Variants in EIF5B observed in about 807,000 individuals in gnomAD.
The protein encoded by EIF5B is eIF-5B.
In EIF5B, 47 loss-of-function variants were observed where a neutral mutation model predicts 147.5. The ratio of observed to expected loss-of-function variants is 0.32; its 90% confidence interval spans 0.25 to 0.41. EIF5B has a LOEUF of 0.41. Ranked by LOEUF, EIF5B falls within the 10% of genes least tolerant of loss-of-function variation. The probability of loss-of-function intolerance (pLI) is 1.00; values close to 1 mark genes in which losing one functional copy is unlikely to be tolerated. For missense variants in EIF5B, 1,064 were observed against 1,413.2 expected (o/e 0.75, Z 3.96); for synonymous variants, 455 against 456.2 (o/e 1.00, Z 0.03).
At chr2:99,382,095 G>C in intron 12 of EIF5B, 64 bp from the exon 13 acceptor site, 1 of 1,412,404 alleles carries the variant, frequency 7.1e-7, no homozygotes, top group South Asian at 1.2e-5. Flanking sequence ...CAAAAGGATT[G>C]TTCTGTAAAG....
intron 22 of EIF5B, 102 bp downstream of exon 22, chr2:99,397,000 T>C: frequency 7.5e-7 from 1 of 1,325,142 alleles, no homozygotes; most frequent in Non-Finnish European, 1.0e-6. Flanking sequence ...CACAGTACTG[T>C]GCTGTGTATT....
intron 14 of EIF5B, among the ~76,000 whole-genome samples, chr2:99,384,593 C>G (rs983528552): frequency 2.0e-5 from 3 of 152,200 alleles, no homozygotes; most frequent in Non-Finnish European, 4.4e-5. Flanking sequence ...AGGATTCACC[C>G]TTCTGGATGT....
chr2:99,376,589 C>T lies in EIF5B; in HGVS notation c.1795C>T (p.Arg599Trp), dbSNP rs1190610704. ...TTCTGAATATGACTCTGATGATGAT[C>T]GGACTAAAGAAGAAAGGGCTTATGA... Reference protein sequence around the residue: ...SDSEYDSDDDRTKEERAYDKA... With the variant: ...SDSEYDSDDDWTKEERAYDKA... Residue 599 changes from arginine to tryptophan, a missense_variant, in exon 10 of 24, where the codon CGG (arginine) becomes TGG (tryptophan). Transcript: ENST00000289371. 15 of 1,613,138 alleles carry T rather than the reference C, an allele frequency of 9.3e-6. No homozygotes were observed. The highest frequency in any genetic ancestry group is 2.7e-5 in the African/African-American group (2 of 74,822).
At chr2:99,392,238 C>G (rs775863858) in intron 17 of EIF5B, among the ~76,000 whole-genome samples, 1 of 151,992 alleles carries the variant, frequency 6.6e-6, no homozygotes, top group Non-Finnish European at 1.5e-5. Context: ...CCACACCCGG[C>G]TAATTTTTGT....
Position 99,401,257 on chromosome 2 carries a change from G to T in EIF5B, c.*1843G>T. 6.2e-7 allele frequency: 1 copy of T among 1,605,638 alleles called. No homozygotes were observed. The highest frequency in any genetic ancestry group is 1.3e-5 in the African/African-American group (1 of 74,832). On this transcript the variant is annotated 3_prime_UTR_variant, in exon 24 of 24. Coordinates refer to ENST00000289371, the MANE Select transcript of EIF5B (RefSeq NM_015904.4). ...TGGTAATATTTATGTAACTTTTAAT[G>T]TGCTTCCATAAGTTTGTTGTAAAAC...
chr2:99,377,872 C>CT (rs1252931152), intron 10 of EIF5B, among the ~76,000 whole-genome samples: 1 of 152,210 alleles, frequency 6.6e-6, no homozygotes, highest in African/African-American at 2.4e-5. Flanking sequence ...GGGTCAGAAT[C>CT]TCCATTGTGG....
At position 99,399,604 on chromosome 2, in the gene EIF5B, T is replaced by C. The variant is rs1675156314; in HGVS notation, c.*190T>C. On this transcript the variant is annotated 3_prime_UTR_variant, in exon 24 of 24. Transcript: ENST00000289371. ...CTTACACTGGTTTGACAGTGGTCAG[T>C]TACATGTCCCCACAGTTCCAATGTG... The C allele has an allele frequency of 3.7e-6, 2 of 545,644 alleles. No individual in the cohort carries two copies. The highest frequency in any genetic ancestry group is 6.6e-6 in the Non-Finnish European group (2 of 302,832). 33.8% of individuals were successfully genotyped at this position (545,644 alleles called of 1,614,324 possible). A position where few individuals can be genotyped will look rare whatever the true frequency, so the allele number is the denominator to read the frequency against.
chr2:99,363,468 T>G (rs966386575), intron 4 of EIF5B, among the ~76,000 whole-genome samples, 177 bp from the exon 5 acceptor site: 2 of 152,200 alleles, frequency 1.3e-5, no homozygotes, highest in African/African-American at 4.8e-5. Context: ...TGTGAGTTAT[T>G]CTGAGCTATT....
chr2:99,339,005 C>CAAATATATATAT (rs1559240268), intron 1 of EIF5B, among the ~76,000 whole-genome samples: 2 of 57,586 alleles, frequency 3.5e-5, no homozygotes, highest in Non-Finnish European at 4.7e-5. Context: ...TATATATATA[C>CAAATATATATAT]ATTTTTTTTT....
At chr2:99,355,552 TA>T (rs1674077319) in intron 1 of EIF5B, among the ~76,000 whole-genome samples, 1 of 151,700 alleles carries the variant, frequency 6.6e-6, no homozygotes, top group Non-Finnish European at 1.5e-5. Flanking sequence ...TAACTATAAG[TA>T]ATATGATTGT....
chr2:99,353,152 C>G (rs916600366), intron 1 of EIF5B, among the ~76,000 whole-genome samples: 2 of 151,578 alleles, frequency 1.3e-5, no homozygotes, highest in Non-Finnish European at 2.9e-5. Context: ...GTAGCTGGGA[C>G]TACAGGCACA....
Position 99,345,993 on chromosome 2 carries a change from T to C in EIF5B, c.35+8404T>C, listed in dbSNP as rs948880604. Among the ~76,000 whole-genome samples the C allele has an allele frequency of 5.3e-5, 8 of 151,832 alleles. No homozygotes were observed. In the East Asian group the frequency reaches 1.5e-3, roughly 29 times the overall value. On this transcript the variant is annotated intron_variant, in intron 1 of 23. Transcript: ENST00000289371. Reference sequence around the variant, plus strand: ...ATTGGGAATACAAAAGGGAGTTTGCTGTTCTCAAAGGGAGTTACGTTTTAA... The same window carrying C: ...ATTGGGAATACAAAAGGGAGTTTGCCGTTCTCAAAGGGAGTTACGTTTTAA...
At position 99,364,255 on chromosome 2, in the gene EIF5B, A is replaced by ATG; in HGVS notation, c.1138-14_1138-13dup. On this transcript the variant is annotated splice_polypyrimidine_tract_variant and intron_variant, in intron 5 of 23. Coordinates refer to ENST00000289371, the MANE Select transcript of EIF5B (RefSeq NM_015904.4). Reference sequence around the variant, plus strand: ...TAAATGAATACAGGTTTTGTCTGACATGTACTCTTTTATAGGAACGATTGG... The same window carrying ATG: ...TAAATGAATACAGGTTTTGTCTGACATGTGTACTCTTTTATAGGAACGATTGG... The ATG allele has an allele frequency of 3.8e-6, 6 of 1,571,984 alleles. No individual in the cohort carries two copies. Among genetic ancestry groups the ATG allele is most frequent in the Non-Finnish European group, 5.1e-6 (6 of 1,166,270 alleles).
In EIF5B at chr2:99,376,655, C is replaced by A. The variant is rs1216972980; in HGVS notation, c.1842+19C>A. ...GATTGAGGTATTTATTTTACCGTTT[C>A]TCTCTACTTTTCTTCCCACTCCTCT... On this transcript the variant is annotated intron_variant, in intron 10 of 23. Coordinates refer to ENST00000289371, the MANE Select transcript of EIF5B (RefSeq NM_015904.4). 1.3e-6 allele frequency: 2 copies of A among 1,577,420 alleles called. No individual in the cohort carries two copies. The highest frequency in any genetic ancestry group is 1.7e-6 in the Non-Finnish European group (2 of 1,164,838).
chr2:99,400,638 T>C lies in EIF5B; in HGVS notation c.*1224T>C, dbSNP rs1298907611. The C allele has an allele frequency of 1.3e-5, 2 of 152,194 alleles. No homozygotes were observed. The highest frequency in any genetic ancestry group is 4.8e-5 in the African/African-American group (2 of 41,450). The allele number at this position is 152,194 out of a possible 1,614,324, so 9.4% of individuals were successfully genotyped here. ...ACCACCTCTGATCTACGGGACATAA[T>C]GTTCCCAGGAAAAAAATCTTCAAGT... On this transcript the variant is annotated 3_prime_UTR_variant, in exon 24 of 24. Transcript: ENST00000289371.
intron 5 of EIF5B, 113 bp from the exon 6 acceptor site, chr2:99,364,158 A>G (rs930786731): frequency 5.0e-6 from 7 of 1,393,424 alleles, no homozygotes; most frequent in East Asian, 4.6e-5. Context: ...ATCTCCTAAC[A>G]TAATACTTTG....
intron 1 of EIF5B, among the ~76,000 whole-genome samples, chr2:99,358,221 C>A (rs1674134963): frequency 6.6e-6 from 1 of 152,126 alleles, no homozygotes; most frequent in Non-Finnish European, 1.5e-5. Flanking sequence ...CATGCGCCAC[C>A]ATGCCTGGCT....
chr2:99,396,633 C>T, intron 21 of EIF5B, 127 bp from the exon 22 acceptor site: 1 of 1,210,690 alleles, frequency 8.3e-7, no homozygotes, highest in Non-Finnish European at 1.1e-6. Flanking sequence ...CCTGCCTGCC[C>T]CTCTCCTGTG....
At chr2:99,386,674 T>G (rs1193143470) in intron 14 of EIF5B, among the ~76,000 whole-genome samples, 1 of 150,558 alleles carries the variant, frequency 6.6e-6, no homozygotes, top group South Asian at 2.1e-4. Context: ...ATTACAGGCA[T>G]GCACCACCAC....
Sources: allele counts gnomAD v4.1 joint callset (sites outside exome capture counted in the v4.1 genomes callset), GRCh38; gene constraint gnomAD v4.1.1; transcripts MANE v1.5; gene names NCBI Gene and HGNC (gene_info 2026-07-23, HGNC 2026-07-21).